CGNL1: variants seen among roughly 807,000 people sequenced by gnomAD.
CGNL1 encodes the protein cingulin like 1.
Under a neutral mutation model 141.2 loss-of-function variants are expected in CGNL1, and 132 were observed. The observed-to-expected ratio is 0.93, with a 90% confidence interval of 0.81 to 1.08. The LOEUF (loss-of-function observed/expected upper bound fraction) is 1.08. Ranked by LOEUF, CGNL1 falls within the 50% of genes least tolerant of loss-of-function variation. CGNL1 has a pLI of 0.00. For missense variants in CGNL1, 1,870 were observed against 1,588.6 expected, an observed-to-expected ratio of 1.18 and a Z score of -3.01; for synonymous variants, 690 against 622.1, an observed-to-expected ratio of 1.11 and a Z score of -1.63.
At chr15:57,423,031 T>C (rs1043260774) in intron 1 of CGNL1, among the ~76,000 whole-genome samples, 11 of 152,298 alleles carry the variant, frequency 7.2e-5, no homozygotes, top group Admixed American at 3.3e-4. Flanking sequence ...ATGGGGGTTC[T>C]GTAGAGGAGA....
intron 1 of CGNL1, among the ~76,000 whole-genome samples, chr15:57,398,644 T>C (rs2062628005): frequency 1.3e-5 from 2 of 152,226 alleles, no homozygotes; most frequent in East Asian, 3.8e-4. Flanking sequence ...TCAAACATAA[T>C]AACTGAGCAT....
intron 10 of CGNL1, among the ~76,000 whole-genome samples, chr15:57,519,703 G>C (rs888726176): frequency 6.6e-6 from 1 of 152,132 alleles, no homozygotes; most frequent in Non-Finnish European, 1.5e-5. Flanking sequence ...GCTTAGGTTG[G>C]TTACTGTTAC....
At chr15:57,433,647 A>G (rs2063071325) in intron 1 of CGNL1, among the ~76,000 whole-genome samples, 1 of 152,164 alleles carries the variant, frequency 6.6e-6, no homozygotes, top group African/African-American at 2.4e-5. Context: ...ATTAGACCCT[A>G]CACCCTGTCC....
intron 1 of CGNL1, chr15:57,407,414 A>T (rs2062735716): frequency 6.6e-6 from 1 of 152,308 alleles, no homozygotes; most frequent in African/African-American, 2.4e-5. Flanking sequence ...TAATTCCAGC[A>T]CTTTGGAAGG....
At chr15:57,475,663 C>A (rs1174429712) in intron 8 of CGNL1, among the ~76,000 whole-genome samples, 2 of 151,760 alleles carry the variant, frequency 1.3e-5, no homozygotes, top group Non-Finnish European at 2.9e-5. Flanking sequence ...CTTCTTCTTG[C>A]AGTGGGGAAA....
chr15:57,473,175 A>C (rs1187707380), intron 8 of CGNL1, among the ~76,000 whole-genome samples: 3 of 152,196 alleles, frequency 2.0e-5, no homozygotes, highest in African/African-American at 7.2e-5. Context: ...ATAATATTGC[A>C]AACAGTTGAA....
At chr15:57,380,196 G>C (rs527792725) in intron 1 of CGNL1, among the ~76,000 whole-genome samples, 8 of 152,202 alleles carry the variant, frequency 5.3e-5, no homozygotes, top group Admixed American at 1.3e-4. Flanking sequence ...ACCATACCCC[G>C]CTTATTTTTG....
intron 4 of CGNL1, among the ~76,000 whole-genome samples, chr15:57,451,047 A>G (rs1811388619): frequency 6.6e-6 from 1 of 152,240 alleles, no homozygotes; most frequent in South Asian, 2.1e-4. Flanking sequence ...ACTTACAAAA[A>G]GATTTTGTTG....
chr15:57,539,382 C>G (rs1033179566), intron 14 of CGNL1, among the ~76,000 whole-genome samples: 2 of 152,146 alleles, frequency 1.3e-5, no homozygotes, highest in Non-Finnish European at 2.9e-5. Flanking sequence ...TGTCCCTCCA[C>G]TTGCTGGGTG....
intron 9 of CGNL1, 121 bp from the exon 10 acceptor site, chr15:57,518,272 C>T: frequency 1.4e-6 from 1 of 699,888 alleles, no homozygotes; most frequent in Non-Finnish European, 2.5e-6. Context: ...GTGACAGGTG[C>T]ATTGTGACCA....
chr15:57,508,019 T>C (rs2064127391), intron 8 of CGNL1, among the ~76,000 whole-genome samples: 1 of 152,214 alleles, frequency 6.6e-6, no homozygotes, highest in Admixed American at 6.5e-5. Context: ...TTCACATCTT[T>C]TAACAAAAAG....
At chr15:57,498,253 T>TTTTTG in intron 8 of CGNL1, among the ~76,000 whole-genome samples, 1 of 146,996 alleles carries the variant, frequency 6.8e-6, no homozygotes, top group Non-Finnish European at 1.5e-5. Context: ...CAGTTTTTTT[T>TTTTTG]TTTTTTTTTT....
intron 1 of CGNL1, among the ~76,000 whole-genome samples, chr15:57,425,408 T>C (rs1286388474): frequency 1.3e-5 from 2 of 152,200 alleles, no homozygotes; most frequent in African/African-American, 4.8e-5. Context: ...GAGTGGGCTA[T>C]CAAATTTTAG....
chr15:57,500,279 G>T (rs1350212027), intron 8 of CGNL1, among the ~76,000 whole-genome samples: 1 of 152,188 alleles, frequency 6.6e-6, no homozygotes, highest in Non-Finnish European at 1.5e-5. Flanking sequence ...GTGGGTTCCT[G>T]TGCAGCACTG....
intron 1 of CGNL1, among the ~76,000 whole-genome samples, chr15:57,410,720 C>G (rs1462217292): frequency 6.6e-6 from 1 of 152,184 alleles, no homozygotes; most frequent in East Asian, 1.9e-4. Flanking sequence ...TTTCAAAATG[C>G]TAAACTTTTG....
intron 4 of CGNL1, among the ~76,000 whole-genome samples, chr15:57,444,454 A>G (rs1207718627): frequency 1.3e-5 from 2 of 152,158 alleles, no homozygotes; most frequent in Non-Finnish European, 2.9e-5. Context: ...TAGAAGTAAA[A>G]TTGCTGAGTT....
intron 8 of CGNL1, among the ~76,000 whole-genome samples, chr15:57,500,193 G>A (rs1193439943): frequency 3.9e-5 from 6 of 152,190 alleles, no homozygotes. Flanking sequence ...GGTGGCCACT[G>A]TCAACAGCTG....
chr15:57,514,736 C>G (rs2030628814), intron 8 of CGNL1, among the ~76,000 whole-genome samples: 1 of 152,110 alleles, frequency 6.6e-6, no homozygotes, highest in Admixed American at 6.5e-5. Context: ...AGTTTTAGAT[C>G]CTACATTTGG....
intron 12 of CGNL1, chr15:57,527,770 G>A (rs759789789): frequency 1.3e-5 from 2 of 152,204 alleles, no homozygotes; most frequent in African/African-American, 4.8e-5. Context: ...TTTCCCTAAT[G>A]TGCCTGTGTA....
Sources: gnomAD v4.1 joint callset for allele counts (sites outside exome capture counted in the v4.1 genomes callset) on GRCh38, gnomAD v4.1.1 for gene constraint, MANE v1.5 for transcripts, NCBI Gene and HGNC (gene_info 2026-07-23, HGNC 2026-07-21) for gene names.